The following PIEZO2 variants were observed in gnomAD, a reference collection of about 807,000 sequenced individuals.
PIEZO2 encodes the protein piezo type mechanosensitive ion channel component 2.
In PIEZO2, 172 loss-of-function variants were observed where a neutral mutation model predicts 337.3. The ratio of observed to expected loss-of-function variants is 0.51; its 90% CI spans 0.45 to 0.58. The LOEUF (loss-of-function observed/expected upper bound fraction) is 0.58, where lower values mean the gene tolerates loss of function less well. PIEZO2 is among the 20% of genes least tolerant of loss of function. The probability of loss-of-function intolerance (pLI) is 0.00; values close to 1 mark genes in which losing one functional copy is unlikely to be tolerated. For missense variants in PIEZO2, 3,028 were observed against 3,391.3 expected, an observed-to-expected ratio of 0.89 and a Z score of 2.66; for synonymous variants, 1,251 against 1,228.5, an observed-to-expected ratio of 1.02 and a Z score of -0.38.
chr18:10,977,007 G>GTC (rs1180496941), intron 3 of PIEZO2, among the ~76,000 whole-genome samples: 1 of 149,594 alleles, frequency 6.7e-6, no homozygotes, highest in Non-Finnish European at 1.5e-5. Context: ...AAATATGTGT[G>GTC]TGTGTGTGTG....
At position 11,149,336 on chromosome 18, in the gene PIEZO2, C is replaced by A. The variant is rs1487020118; in HGVS notation, c.-748G>T. On this transcript the variant is annotated 5_prime_UTR_variant, in exon 1 of 56. Transcript: ENST00000674853. The surrounding 1 kb of genome is among the most constrained non-coding windows in gnomAD (Gnocchi z 8.7). ...TTGTGGGTCCGGTGCGCGGGCGGCG[C>A]TGCGAGTCCCTCCCTCACTCGAAGG... Among the ~76,000 whole-genome samples, 1 of 152,154 alleles carries A rather than the reference C, an allele frequency of 6.6e-6. No individual in the cohort carries two copies. The highest frequency in any genetic ancestry group is 1.9e-4 in the East Asian group (1 of 5,158).
chr18:11,124,665 T>A (rs908909853), intron 1 of PIEZO2, among the ~76,000 whole-genome samples: 2 of 152,042 alleles, frequency 1.3e-5, no homozygotes, highest in African/African-American at 4.8e-5. Context: ...GAAGACTAAC[T>A]CTGGGCAGGG....
chr18:10,716,127 A>G lies in PIEZO2; in HGVS notation c.5090-311T>C, dbSNP rs1036039175. Among the ~76,000 whole-genome samples, 6 of 152,136 alleles carry G rather than the reference A, an allele frequency of 3.9e-5. No homozygotes were observed. Among genetic ancestry groups the G allele is most frequent in the Non-Finnish European group, 8.8e-5 (6 of 68,028 alleles). ...GGTTTGGACAGCGTGGATCCACTCT[A>G]CGCGTGGATTGTTTTCAGTAAAAGT... On this transcript the variant is annotated intron_variant, in intron 37 of 55. Transcript: ENST00000674853. This position sits in a 1 kb window ranked among gnomAD's most constrained non-coding sequence, Gnocchi z 4.1.
At chr18:10,691,132 T>A in intron 48 of PIEZO2, 93 bp downstream of exon 48, 1 of 1,388,326 alleles carries the variant, frequency 7.2e-7, no homozygotes, top group Non-Finnish European at 9.9e-7. Context: ...GCTGAATTCA[T>A]CCTCTCCCCC....
At chr18:10,956,306 C>T (rs2033517703) in intron 3 of PIEZO2, among the ~76,000 whole-genome samples, 1 of 152,042 alleles carries the variant, frequency 6.6e-6, no homozygotes, top group South Asian at 2.1e-4. Context: ...TCAAAAAATA[C>T]TTAGGAATAA....
rs1361166435 is a variant in PIEZO2, at chr18:10,676,092, G to A, written c.8082-804C>T. ...CATGAATTGATCTAGAGGGGAGTGA[G>A]AGGTGAAGAGAGATGGTGGCCTGGA... On this transcript the variant is annotated intron_variant, in intron 53 of 55. Transcript: ENST00000674853. The surrounding 1 kb of genome is among the most constrained non-coding windows in gnomAD (Gnocchi z 5.1). Among the ~76,000 whole-genome samples the A allele has an allele frequency of 6.6e-6, 1 of 152,202 alleles. No homozygotes were observed.
At chr18:10,705,829 T>A (rs553713760) in intron 40 of PIEZO2, 83 bp from the exon 41 acceptor site, 280 of 1,409,884 alleles carry the variant, frequency 2.0e-4, no homozygotes, top group Non-Finnish European at 2.6e-4. Flanking sequence ...AGAGACCTCA[T>A]CAGAACTCCT....
At chr18:10,955,606 G>A (rs1326387366) in intron 3 of PIEZO2, among the ~76,000 whole-genome samples, 1 of 152,178 alleles carries the variant, frequency 6.6e-6, no homozygotes, top group Non-Finnish European at 1.5e-5. Flanking sequence ...TGAAACAGGA[G>A]CCCTGTGTAT....
At chr18:10,883,868 T>G (rs1372428431) in intron 4 of PIEZO2, among the ~76,000 whole-genome samples, 1 of 147,912 alleles carries the variant, frequency 6.8e-6, no homozygotes, top group Non-Finnish European at 1.5e-5. Flanking sequence ...TGGAGTGCAG[T>G]GGCACGATCT....
At position 11,146,457 on chromosome 18, in the gene PIEZO2, C is replaced by T. The variant is rs1357820522; in HGVS notation, c.64+2068G>A. ...CCCAGTCCCCCCACCTCCACCCTGG[C>T]TGCGAGTCACCGCCCCGAGCCCCTG... On this transcript the variant is annotated intron_variant, in intron 1 of 55. Coordinates refer to ENST00000674853, the MANE Select transcript of PIEZO2 (RefSeq NM_001378183.1). This position sits in a 1 kb window ranked among gnomAD's most constrained non-coding sequence, Gnocchi z 6.1. Among the ~76,000 whole-genome samples the T allele has an allele frequency of 6.6e-6, 1 of 152,148 alleles. No individual in the cohort carries two copies. Among genetic ancestry groups the T allele is most frequent in the African/African-American group, 2.4e-5 (1 of 41,438 alleles).
chr18:10,896,862 A>G (rs2042915677), intron 4 of PIEZO2, among the ~76,000 whole-genome samples: 1 of 152,162 alleles, frequency 6.6e-6, no homozygotes, highest in Non-Finnish European at 1.5e-5. Flanking sequence ...CCTACTGCCA[A>G]AAAGAGTTGG....
rs2034588326 is a variant in PIEZO2 at position 10,979,602 on chromosome 18, C to T, written c.219G>A (p.Leu73=). The T allele has an allele frequency of 6.5e-7, 1 of 1,536,052 alleles. No homozygotes were observed. The highest frequency in any genetic ancestry group is 1.4e-5 in the African/African-American group (1 of 73,170). ...CCAACGTGATGTGGAAAATGATGTG[C>T]AGCAACAGGAAGGAAAGACTGATGA... ...LCFISLSFLL[L]HIIFHITLVS... Residue 73 remains leucine (L), a synonymous_variant, in exon 3 of 56, where the codon CTG becomes CTA. Transcript: ENST00000674853. This position sits in a 1 kb window ranked among gnomAD's most constrained non-coding sequence, Gnocchi z 4.0.
At position 10,834,481 on chromosome 18, in the gene PIEZO2, C is replaced by T. The variant is rs2040944497; in HGVS notation, c.917+20872G>A. Reference sequence around the variant, plus strand: ...ATTAGCCCAGCCCCACTCTGTGATGCAGGTGCCGGCTTCCCCTTTAATCCC... The same window carrying T: ...ATTAGCCCAGCCCCACTCTGTGATGTAGGTGCCGGCTTCCCCTTTAATCCC... On this transcript the variant is annotated intron_variant, in intron 7 of 55. Coordinates refer to ENST00000674853, the MANE Select transcript of PIEZO2 (RefSeq NM_001378183.1). The surrounding 1 kb of genome is among the most constrained non-coding windows in gnomAD (Gnocchi z 4.5). 6.6e-6 allele frequency among the ~76,000 whole-genome samples: 1 copy of T among 152,206 alleles called. No homozygotes were observed. The highest frequency in any genetic ancestry group is 2.4e-5 in the African/African-American group (1 of 41,460).
intron 4 of PIEZO2, among the ~76,000 whole-genome samples, chr18:10,873,536 G>A (rs1372383097): frequency 6.6e-6 from 1 of 152,074 alleles, no homozygotes; most frequent in Non-Finnish European, 1.5e-5. Flanking sequence ...CTGTTTGCAA[G>A]CTGATTTGTT....
chr18:11,030,222 G>A (rs1005499511), intron 2 of PIEZO2, among the ~76,000 whole-genome samples: 2 of 152,028 alleles, frequency 1.3e-5, no homozygotes, highest in African/African-American at 4.8e-5. Flanking sequence ...CGCTACTTAT[G>A]GTCACATTCA....
chr18:10,914,658 G>A (rs1327661978), intron 3 of PIEZO2, among the ~76,000 whole-genome samples: 3 of 152,094 alleles, frequency 2.0e-5, no homozygotes, highest in Non-Finnish European at 2.9e-5. Flanking sequence ...CATGGATACG[G>A]AGGGCCAACT....
intron 35 of PIEZO2, among the ~76,000 whole-genome samples, chr18:10,734,610 C>A (rs1452820554): frequency 2.6e-5 from 4 of 152,162 alleles, no homozygotes; most frequent in Admixed American, 2.6e-4. Context: ...AACGAAGCGA[C>A]TACAGCATAG....
At chr18:10,725,116 G>C in intron 36 of PIEZO2, 3 of 1,468,616 alleles carry the variant, frequency 2.0e-6, no homozygotes, top group Non-Finnish European at 2.9e-6. Flanking sequence ...TCCACAGTTC[G>C]AGTACCAGGA....
chr18:11,030,289 T>C (rs928004660), intron 2 of PIEZO2, among the ~76,000 whole-genome samples: 3 of 152,214 alleles, frequency 2.0e-5, no homozygotes, highest in African/African-American at 7.2e-5. Flanking sequence ...ATAAGATGTT[T>C]TGTAATTTAA....
Sources: gnomAD v4.1 joint callset for allele counts (sites outside exome capture counted in the v4.1 genomes callset) on GRCh38, gnomAD v4.1.1 for gene constraint, Gnocchi (gnomAD v3.1) non-coding constraint, MANE v1.5 for transcripts, NCBI Gene and HGNC (gene_info 2026-07-23, HGNC 2026-07-21) for gene names.